Variants in SRBD1 observed in about 807,000 individuals in gnomAD.
SRBD1 encodes the protein S1 RNA-binding domain-containing protein 1.
Under a neutral mutation model 115.3 loss-of-function variants are expected in SRBD1, and 88 were observed. The observed-to-expected ratio is 0.76, with a 90% CI of 0.64 to 0.91. The LOEUF (loss-of-function observed/expected upper bound fraction) is 0.91. Among genes scored for constraint, SRBD1 ranks in the 40% least tolerant of loss-of-function variants. The pLI is 0.00. For missense variants in SRBD1, 1,385 were observed against 1,177.4 expected (o/e 1.18, Z -2.58); for synonymous variants, 509 against 407.7 (o/e 1.25, Z -2.99).
chr2:45,461,356 A>G (rs1324145454), intron 16 of SRBD1, among the ~76,000 whole-genome samples: 1 of 152,174 alleles, frequency 6.6e-6, no homozygotes, highest in African/African-American at 2.4e-5. Context: ...CATCTGGAAA[A>G]TGACGGAGTC....
chr2:45,511,992 GAC>G (rs1197388377), intron 14 of SRBD1, among the ~76,000 whole-genome samples: 1 of 152,160 alleles, frequency 6.6e-6, no homozygotes, highest in East Asian at 1.9e-4. Context: ...AGCCCTTTGA[GAC>G]ACACAGCATG....
intron 15 of SRBD1, among the ~76,000 whole-genome samples, chr2:45,482,847 C>T (rs1228455371): frequency 6.6e-6 from 1 of 152,016 alleles, no homozygotes; most frequent in African/African-American, 2.4e-5. Flanking sequence ...TGCATAGAAC[C>T]TACACATACC....
At chr2:45,594,458 A>G (rs1210801219) in intron 4 of SRBD1, among the ~76,000 whole-genome samples, 3 of 152,192 alleles carry the variant, frequency 2.0e-5, no homozygotes, top group Non-Finnish European at 2.9e-5. Context: ...GTAGCTGGTC[A>G]CTTCTTCAAA....
chr2:45,507,947 T>A (rs1572714525), intron 14 of SRBD1, among the ~76,000 whole-genome samples: 1 of 152,054 alleles, frequency 6.6e-6, no homozygotes, highest in African/African-American at 2.4e-5. Flanking sequence ...AATAAATAAA[T>A]AAATAAATGA....
chr2:45,602,247 AAC>A (rs1674118413), intron 2 of SRBD1, among the ~76,000 whole-genome samples, 164 bp from the exon 3 acceptor site: 1 of 152,224 alleles, frequency 6.6e-6, no homozygotes, highest in Non-Finnish European at 1.5e-5. Context: ...GAATTGAACC[AAC>A]AGAGTTGATG....
chr2:45,548,230 G>T (rs1307431734), intron 12 of SRBD1, among the ~76,000 whole-genome samples: 4 of 151,874 alleles, frequency 2.6e-5, no homozygotes, highest in African/African-American at 9.6e-5. Flanking sequence ...GATAGAAAAT[G>T]TTGAAGTTAA....
At chr2:45,546,965 C>A (rs574537682) in intron 13 of SRBD1, 126 bp from the exon 14 acceptor site, 6 of 840,632 alleles carry the variant, frequency 7.1e-6, no homozygotes, top group Non-Finnish European at 1.2e-5. Context: ...TACAAGCAAC[C>A]TGTCCACTGT....
At chr2:45,486,744 T>A (rs1187446155) in intron 15 of SRBD1, among the ~76,000 whole-genome samples, 2 of 145,736 alleles carry the variant, frequency 1.4e-5, no homozygotes, top group Non-Finnish European at 3.0e-5. Context: ...AAAAATAAAA[T>A]AAAATAAAAT....
At chr2:45,494,374 C>T (rs1325212050) in intron 14 of SRBD1, among the ~76,000 whole-genome samples, 3 of 151,476 alleles carry the variant, frequency 2.0e-5, no homozygotes, top group Non-Finnish European at 4.4e-5. Context: ...CAGATAATGG[C>T]CAACTTTTTT....
chr2:45,562,522 G>A (rs1385647708), intron 10 of SRBD1, 131 bp downstream of exon 10: 17 of 631,570 alleles, frequency 2.7e-5, no homozygotes, highest in Middle Eastern at 4.1e-4. Flanking sequence ...GTGAGCCACC[G>A]CGCCCGGCCT....
chr2:45,535,736 C>G (rs1011242574), intron 14 of SRBD1, among the ~76,000 whole-genome samples: 1 of 152,024 alleles, frequency 6.6e-6, no homozygotes, highest in Non-Finnish European at 1.5e-5. Context: ...CCAAATCATC[C>G]TATCTCACAA....
chr2:45,571,521 A>AAAAAAAAAAAAAAAAAC lies in SRBD1; in HGVS notation c.1305+1685_1305+1686insGTTTTTTTTTTTTTTTT, dbSNP rs1227139469. On this transcript the variant is annotated intron_variant, in intron 9 of 20. Coordinates refer to ENST00000263736, the MANE Select transcript of SRBD1 (RefSeq NM_018079.5). ...TACAACATATCCAGACTTTACCAAA[A>AAAAAAAAAAAAAAAAAC]AAAAAAAAAAAAAAAAAAAAACTGT... Among the ~76,000 whole-genome samples, 8 of 122,694 alleles carry AAAAAAAAAAAAAAAAAC rather than the reference A, an allele frequency of 6.5e-5. 2 individuals carry two copies. Among genetic ancestry groups the AAAAAAAAAAAAAAAAAC allele is most frequent in the African/African-American group, 2.9e-4 (7 of 24,126 alleles). 80.5% of individuals were successfully genotyped at this position (122,694 alleles called of 152,430 possible). A position where few individuals can be genotyped will look rare whatever the true frequency, so the allele number is the denominator to read the frequency against.
chr2:45,509,937 G>A (rs1187074797), intron 14 of SRBD1, among the ~76,000 whole-genome samples: 4 of 152,106 alleles, frequency 2.6e-5, no homozygotes, highest in South Asian at 4.1e-4. Flanking sequence ...GTCTCACTAC[G>A]TTGCCCAGGC....
At chr2:45,500,408 G>C (rs1422560631) in intron 14 of SRBD1, among the ~76,000 whole-genome samples, 1 of 151,128 alleles carries the variant, frequency 6.6e-6, no homozygotes, top group African/African-American at 2.4e-5. Flanking sequence ...ATTGCTGCTA[G>C]TATATATAAA....
intron 14 of SRBD1, among the ~76,000 whole-genome samples, chr2:45,497,784 C>A (rs1572703862): frequency 6.6e-6 from 1 of 151,800 alleles, no homozygotes; most frequent in South Asian, 2.1e-4. Flanking sequence ...CGCCTGTAAT[C>A]TCAGCACTTT....
chr2:45,508,993 C>T (rs1558442808), intron 14 of SRBD1, among the ~76,000 whole-genome samples: 1 of 151,932 alleles, frequency 6.6e-6, no homozygotes, highest in Non-Finnish European at 1.5e-5. Flanking sequence ...GAGGTGGGGG[C>T]AGGGAGGTGC....
chr2:45,507,307 A>T (rs749668429), intron 14 of SRBD1, among the ~76,000 whole-genome samples: 3 of 152,178 alleles, frequency 2.0e-5, no homozygotes, highest in Non-Finnish European at 2.9e-5. Flanking sequence ...CAAGCAGACA[A>T]ACCAAGGCAC....
chr2:45,550,484 T>A (rs1302342413), intron 12 of SRBD1, among the ~76,000 whole-genome samples: 1 of 124,948 alleles, frequency 8.0e-6, no homozygotes, highest in African/African-American at 3.2e-5. Context: ...CAACAAAAAT[T>A]ACAGTAGCCA....
At chr2:45,542,490 C>G (rs1360546003) in intron 14 of SRBD1, among the ~76,000 whole-genome samples, 1 of 152,232 alleles carries the variant, frequency 6.6e-6, no homozygotes, top group Non-Finnish European at 1.5e-5. Context: ...ACCTGTGGAG[C>G]ATGCAACCCA....
Sources: gnomAD v4.1 joint callset for allele counts (sites outside exome capture counted in the v4.1 genomes callset) on GRCh38, gnomAD v4.1.1 for gene constraint, MANE v1.5 for transcripts, NCBI Gene and HGNC (gene_info 2026-07-23, HGNC 2026-07-21) for gene names.